Variants in DLGAP2 observed in about 807,000 individuals in gnomAD.
DLGAP2 encodes the protein DLG associated protein 2.
A neutral mutation model predicts 100.3 loss-of-function variants in DLGAP2; 26 were observed. The ratio of observed to expected loss-of-function variants is 0.26; its 90% confidence interval spans 0.19 to 0.36. DLGAP2 has a LOEUF of 0.36. Ranked by LOEUF, DLGAP2 falls within the 10% of genes least tolerant of loss-of-function variation. The probability of loss-of-function intolerance (pLI) is 1.00; values close to 1 mark genes in which losing one functional copy is unlikely to be tolerated. For missense variants in DLGAP2, 1,858 were observed against 1,453.2 expected, an observed-to-expected ratio of 1.28 and a Z score of -4.53; for synonymous variants, 886 against 630.1, an observed-to-expected ratio of 1.41 and a Z score of -6.08.
At chr8:1,583,377 C>CTTT (rs1202822882) in intron 6 of DLGAP2, among the ~76,000 whole-genome samples, 2 of 151,900 alleles carry the variant, frequency 1.3e-5, no homozygotes, top group East Asian at 3.9e-4. Context: ...CTGGGATCAC[C>CTTT]TTTTGCTCCA....
chr8:1,300,022 G>C (rs1220244323), intron 3 of DLGAP2: 1 of 152,166 alleles, frequency 6.6e-6, no homozygotes, highest in Admixed American at 6.5e-5. Context: ...ACAGGCTGGT[G>C]TCTCTTCCTG....
chr8:913,606 T>C (rs1798533291), intron 2 of DLGAP2, among the ~76,000 whole-genome samples: 2 of 152,242 alleles, frequency 1.3e-5, no homozygotes, highest in South Asian at 2.1e-4. Flanking sequence ...TATAATGCTT[T>C]CCAGTTTATA....
At chr8:1,050,370 C>G (rs898982377) in intron 2 of DLGAP2, among the ~76,000 whole-genome samples, 4 of 152,180 alleles carry the variant, frequency 2.6e-5, no homozygotes, top group African/African-American at 9.7e-5. Flanking sequence ...AGATATATAT[C>G]CAACACTTTA....
chr8:1,254,105 G>C (rs1006493540), intron 2 of DLGAP2, among the ~76,000 whole-genome samples: 5 of 152,230 alleles, frequency 3.3e-5, no homozygotes, highest in African/African-American at 1.2e-4. Context: ...ATGGCCAGGG[G>C]GGCCAAGTTG....
intron 3 of DLGAP2, among the ~76,000 whole-genome samples, chr8:1,329,869 T>A (rs78742655): frequency 0.041 from 6,208 of 152,276 alleles, 160 homozygotes; most frequent in South Asian, 0.09. Context: ...CAGAACCTTG[T>A]CTTCTAGCTC....
chr8:1,554,331 G>C lies in DLGAP2; in HGVS notation c.1230+4648G>C, dbSNP rs986195251. On this transcript the variant is annotated intron_variant, in intron 5 of 14. Coordinates refer to ENST00000637795, the MANE Select transcript of DLGAP2 (RefSeq NM_001346810.2). ...AAATAAATAAATAAATAAATAAAAT[G>C]GTTTGTCATGGAATGCACGATGCTG... Among the ~76,000 whole-genome samples the C allele has an allele frequency of 3.3e-5, 5 of 151,312 alleles. No individual in the cohort carries two copies. In the South Asian group the frequency reaches 1.0e-3, roughly 31 times the overall value.
chr8:1,534,353 T>A (rs1801083015), intron 4 of DLGAP2, among the ~76,000 whole-genome samples: 5 of 152,226 alleles, frequency 3.3e-5, no homozygotes, highest in Admixed American at 3.3e-4. Context: ...AGCAGCTTTC[T>A]TTTGTGCTTT....
At chr8:1,472,581 A>G (rs1260784387) in intron 3 of DLGAP2, among the ~76,000 whole-genome samples, 1 of 152,148 alleles carries the variant, frequency 6.6e-6, no homozygotes, top group Non-Finnish European at 1.5e-5. Flanking sequence ...CTGAGGTCAG[A>G]TTGAGGAGGA....
At chr8:890,194 A>G (rs1242868039) in intron 1 of DLGAP2, among the ~76,000 whole-genome samples, 1 of 152,098 alleles carries the variant, frequency 6.6e-6, no homozygotes, top group African/African-American at 2.4e-5. Flanking sequence ...CTAGTCAGCC[A>G]TCTCGGCCAG....
At chr8:929,674 A>C (rs1378271795) in intron 2 of DLGAP2, among the ~76,000 whole-genome samples, 1 of 69,566 alleles carries the variant, frequency 1.4e-5, no homozygotes, top group Non-Finnish European at 2.7e-5. Flanking sequence ...AACATCCCAC[A>C]CACACCCCAT....
At chr8:890,795 A>G (rs1472218040) in intron 1 of DLGAP2, among the ~76,000 whole-genome samples, 1 of 151,694 alleles carries the variant, frequency 6.6e-6, no homozygotes, top group East Asian at 1.9e-4. Context: ...GTCCTTTGCA[A>G]ACCTCCCCTC....
chr8:1,460,795 C>T (rs962319096), intron 3 of DLGAP2, among the ~76,000 whole-genome samples: 4 of 152,184 alleles, frequency 2.6e-5, no homozygotes, highest in Non-Finnish European at 4.4e-5. Flanking sequence ...AGAGAAGATA[C>T]TTTATGGGTA....
At chr8:1,205,540 G>T (rs7463957) in intron 2 of DLGAP2, among the ~76,000 whole-genome samples, 86,008 of 152,012 alleles carry the variant, frequency 0.57, 26,700 homozygotes, top group African/African-American at 0.83. Flanking sequence ...ATGGCTGGTG[G>T]CGTCTGCTCT....
intron 8 of DLGAP2, among the ~76,000 whole-genome samples, chr8:1,647,972 A>G (rs910881308): frequency 6.6e-5 from 10 of 152,108 alleles, no homozygotes; most frequent in Non-Finnish European, 1.3e-4. Context: ...CTGCCCCCAG[A>G]CAATCCACAA....
chr8:773,135 C>T (rs569835447), intron 1 of DLGAP2, among the ~76,000 whole-genome samples: 1 of 152,320 alleles, frequency 6.6e-6, no homozygotes, highest in South Asian at 2.1e-4. Flanking sequence ...CTCATCTTCT[C>T]ACAGCTCTGG....
At chr8:1,154,923 G>C (rs1796754129) in intron 2 of DLGAP2, among the ~76,000 whole-genome samples, 1 of 152,208 alleles carries the variant, frequency 6.6e-6, no homozygotes, top group Admixed American at 6.5e-5. Context: ...CAGGAACCAT[G>C]TCTCTCTTCT....
chr8:1,678,453 C>T lies in DLGAP2; in HGVS notation c.2528C>T (p.Pro843Leu), dbSNP rs773176804. ...YRTQVDTSTL[P>L]PPDPWLEPAI... ...ACCCAAGTGGACACCTCCACCCTGC[C>T]CCCTCCAGACCCCTGGCTGGAGCCC... is the stretch of plus-strand genomic sequence containing the variant. The change falls in exon 12 of 15, where the codon CCC becomes CTC. Residue 843 changes from proline to leucine, a missense_variant. Transcript: ENST00000637795. 2.7e-5 allele frequency: 44 copies of T among 1,613,390 alleles called. No homozygotes were observed. Among genetic ancestry groups the T allele is most frequent in the Non-Finnish European group, 3.6e-5 (43 of 1,179,732 alleles).
chr8:1,651,599 C>G (rs1176189882), intron 8 of DLGAP2, among the ~76,000 whole-genome samples: 1 of 152,172 alleles, frequency 6.6e-6, no homozygotes, highest in Non-Finnish European at 1.5e-5. Context: ...CATGACCACC[C>G]CACTCCTGCC....
chr8:1,358,332 A>G (rs146362481), intron 3 of DLGAP2, among the ~76,000 whole-genome samples: 1 of 152,138 alleles, frequency 6.6e-6, no homozygotes, highest in Non-Finnish European at 1.5e-5. Flanking sequence ...TGTCAGGTTC[A>G]ATCGTAGATT....
Sources: allele counts gnomAD v4.1 joint callset (sites outside exome capture counted in the v4.1 genomes callset), GRCh38; gene constraint gnomAD v4.1.1; transcripts MANE v1.5; gene names NCBI Gene and HGNC (gene_info 2026-07-23, HGNC 2026-07-21).